Variants in NEU3 observed in about 807,000 individuals in gnomAD.
The protein encoded by NEU3 is sialidase-3.
NEU3 carries 10 observed loss-of-function variants against 11.4 expected under a neutral mutation model. That is an observed-to-expected ratio of 0.88 (90% CI 0.54 to 1.49). The LOEUF (loss-of-function observed/expected upper bound fraction) is 1.49, where lower values mean the gene tolerates loss of function less well. Ranked by LOEUF, NEU3 falls within the 40% of genes most tolerant of loss-of-function variation. The pLI is 0.00. For missense variants in NEU3, 529 were observed against 581.8 expected (o/e 0.91, Z 0.93); for synonymous variants, 212 against 228.2 (o/e 0.93, Z 0.64).
chr11:75,002,435 A>C (rs1948855405), intron 2 of NEU3, among the ~76,000 whole-genome samples: 2 of 152,224 alleles, frequency 1.3e-5, no homozygotes, highest in African/African-American at 4.8e-5. Context: ...AAAAAGATAT[A>C]TATCTCATTT....
downstream of NEU3, among the ~76,000 whole-genome samples, chr11:75,014,726 G>T (rs930721620): frequency 6.6e-6 from 1 of 152,036 alleles, no homozygotes; most frequent in African/African-American, 2.4e-5. Flanking sequence ...TTAGCCAGGT[G>T]TAGGGGCACG....
intron 2 of NEU3, among the ~76,000 whole-genome samples, chr11:74,998,233 T>C (rs1432755237): frequency 6.6e-6 from 1 of 152,228 alleles, no homozygotes; most frequent in Non-Finnish European, 1.5e-5. Context: ...CAAAGATCAC[T>C]GATGAAAGAT....
At chr11:75,004,524 C>T (rs1855853484) in intron 2 of NEU3, 1 of 452,114 alleles carries the variant, frequency 2.2e-6, no homozygotes, top group African/African-American at 2.0e-5. Flanking sequence ...TGGAAATTTT[C>T]TTACCAATTT....
In NEU3 at chr11:75,005,421, C is replaced by G. The variant is rs780779450; in HGVS notation, c.315C>G (p.Pro105=). ...LRIGQLVQWG[P]LKPLMEATLP... is the part of the protein sequence containing the mutation. ...CCCTTCTCCTTGTCTAGTGGGGGCC[C>G]CTGAAGCCACTGATGGAAGCCACAC... is the stretch of plus-strand genomic sequence containing the variant. The change falls in exon 3 of 3, where the codon CCC becomes CCG. Residue 105 remains proline, a synonymous_variant. Coordinates refer to ENST00000294064, the MANE Select transcript of NEU3 (RefSeq NM_006656.6). The G allele has an allele frequency of 6.2e-7, 1 of 1,607,384 alleles. No homozygotes were observed. Among genetic ancestry groups the G allele is most frequent in the Admixed American group, 1.7e-5 (1 of 59,514 alleles).
rs377168820 is a variant in NEU3 at position 74,994,587 on chromosome 11, G to A, written c.173G>A (p.Arg58Gln). The A allele has an allele frequency of 1.1e-4, 181 of 1,613,770 alleles. No individual in the cohort carries two copies. The highest frequency in any genetic ancestry group is 9.9e-4 in the Middle Eastern group (6 of 6,082). The change falls in exon 2 of 3, where the codon CGG (arginine) becomes CAG (glutamine). Residue 58 changes from arginine to glutamine, a missense_variant. Transcript: ENST00000294064. ...GAAGATGACAGAGGGATTACCTACC[G>A]GATCCCAGCCCTGCTCTACATACCC... The part of the protein sequence containing the change: ...RQEDDRGITY[R>Q]IPALLYIPPT...
chr11:75,006,474 C>A lies in NEU3; in HGVS notation c.1368C>A (p.Ser456Arg). The change falls in exon 3 of 3, where the codon AGC (serine) becomes AGA (arginine). Residue 456 changes from serine to arginine, a missense_variant. Transcript: ENST00000294064. ...GCACCAGCCCTGGTAGGAACCCAAG[C>A]CAATTCAAAAGCAATTAATTGGCTT... ...GDCTSPGRNP[S>R]QFKSN The A allele has an allele frequency of 6.2e-7, 1 of 1,610,374 alleles. No homozygotes were observed. The highest frequency in any genetic ancestry group is 8.5e-7 in the Non-Finnish European group (1 of 1,177,842).
At chr11:74,990,659 C>T (rs1948722023) in intron 1 of NEU3, among the ~76,000 whole-genome samples, 1 of 152,144 alleles carries the variant, frequency 6.6e-6, no homozygotes, top group African/African-American at 2.4e-5. Flanking sequence ...CGCACCCAGC[C>T]TCTTCCTTTC....
intron 2 of NEU3, among the ~76,000 whole-genome samples, chr11:74,997,690 C>CAAAAAAA (rs35900546): frequency 1.0e-5 from 1 of 97,700 alleles, no homozygotes; most frequent in Non-Finnish European, 1.9e-5. Context: ...CTAAAAATAC[C>CAAAAAAA]AAAAAAAAAA....
rs1948770345 is a variant in NEU3, at chr11:74,994,727, C to T, written c.306+7C>T. 6.2e-7 allele frequency: 1 copy of T among 1,612,134 alleles called. No homozygotes were observed. The highest frequency in any genetic ancestry group is 1.3e-5 in the African/African-American group (1 of 74,928). On this transcript the variant is annotated splice_region_variant and intron_variant, in intron 2 of 2. Coordinates refer to ENST00000294064, the MANE Select transcript of NEU3 (RefSeq NM_006656.6). ...GATTGGGCAGTTGGTACAGGTGACT[C>T]TTCATCCCAGATCTGAGTCTGGGCC...
At chr11:74,990,654 C>T (rs1236492655) in intron 1 of NEU3, among the ~76,000 whole-genome samples, 1 of 152,156 alleles carries the variant, frequency 6.6e-6, no homozygotes, top group Non-Finnish European at 1.5e-5. Context: ...GCCACCGCAC[C>T]CAGCCTCTTC....
intron 2 of NEU3, among the ~76,000 whole-genome samples, chr11:74,997,533 TA>T (rs1948801038): frequency 6.6e-6 from 1 of 151,840 alleles, no homozygotes; most frequent in African/African-American, 2.4e-5. Flanking sequence ...TTCACTGGAG[TA>T]GCACTTTTAA....
Position 75,006,845 on chromosome 11 carries a change from C to T in NEU3, c.*353C>T. On this transcript the variant is annotated 3_prime_UTR_variant, in exon 3 of 3. Transcript: ENST00000294064. ...CTAGGACAAGCATAGTGCCTGCATGCTTCATGATCAGTAAGTCCTGGCTGC... is the reference window on the plus strand; with the variant it reads ...CTAGGACAAGCATAGTGCCTGCATGTTTCATGATCAGTAAGTCCTGGCTGC... 5.0e-6 allele frequency: 1 copy of T among 199,050 alleles called. No individual in the cohort carries two copies. Among genetic ancestry groups the T allele is most frequent in the Non-Finnish European group, 1.0e-5 (1 of 97,692 alleles). 12.3% of individuals were successfully genotyped at this position (199,050 alleles called of 1,614,324 possible). A position where few individuals can be genotyped will look rare whatever the true frequency, so the allele number is the denominator to read the frequency against.
chr11:74,995,335 T>C (rs1429293561), intron 2 of NEU3, among the ~76,000 whole-genome samples: 1 of 152,202 alleles, frequency 6.6e-6, no homozygotes, highest in Non-Finnish European at 1.5e-5. Context: ...ATTAAGGTCA[T>C]TTGCTTTGGT....
At chr11:74,988,204 C>G (rs534541852), upstream of NEU3, 2 of 152,328 alleles carry the variant, frequency 1.3e-5, no homozygotes, top group East Asian at 3.9e-4. Context: ...GGGTCTCGCT[C>G]TGTCACCCAG....
chr11:74,992,121 G>T (rs962464363), intron 1 of NEU3, among the ~76,000 whole-genome samples: 19 of 152,238 alleles, frequency 1.2e-4, no homozygotes, highest in African/African-American at 4.6e-4. Context: ...GCGTTATGTG[G>T]CTATCTGAAA....
At chr11:75,011,634 A>G (rs1948955995), downstream of NEU3, among the ~76,000 whole-genome samples, 1 of 152,236 alleles carries the variant, frequency 6.6e-6, no homozygotes, top group Non-Finnish European at 1.5e-5. Context: ...TCCTGATGAT[A>G]GCCAGTAGGG....
chr11:74,996,843 C>G (rs921721484), intron 2 of NEU3, among the ~76,000 whole-genome samples: 4 of 152,190 alleles, frequency 2.6e-5, no homozygotes, highest in African/African-American at 9.7e-5. Context: ...CATTAATCTC[C>G]TCATACATCT....
intron 2 of NEU3, among the ~76,000 whole-genome samples, chr11:74,995,386 C>T (rs1299365902): frequency 6.6e-6 from 1 of 152,198 alleles, no homozygotes; most frequent in African/African-American, 2.4e-5. Context: ...TAGAGCCCTT[C>T]CTCTTCAGTA....
At chr11:74,985,385 C>T (rs897611861), upstream of NEU3, among the ~76,000 whole-genome samples, 1 of 151,994 alleles carries the variant, frequency 6.6e-6, no homozygotes, top group Non-Finnish European at 1.5e-5. Context: ...GTTTATTATT[C>T]GTAAGCATTT....
Sources: allele counts gnomAD v4.1 joint callset (sites outside exome capture counted in the v4.1 genomes callset), GRCh38; gene constraint gnomAD v4.1.1; transcripts MANE v1.5; gene names NCBI Gene and HGNC (gene_info 2026-07-23, HGNC 2026-07-21).